NOL4: variants seen among roughly 807,000 people sequenced by gnomAD.
NOL4 encodes the protein nucleolar protein 4.
Under a neutral mutation model 75.9 loss-of-function variants are expected in NOL4, and 17 were observed. The ratio of observed to expected loss-of-function variants is 0.22; its 90% CI spans 0.15 to 0.34. The LOEUF is 0.34. Ranked by LOEUF, NOL4 falls within the 10% of genes least tolerant of loss-of-function variation. The pLI, the probability that NOL4 is intolerant of heterozygous loss-of-function variation, is 1.00. For missense variants in NOL4, 614 were observed against 793.5 expected, an observed-to-expected ratio of 0.77 and a Z score of 2.72; for synonymous variants, 292 against 289.9, an observed-to-expected ratio of 1.01 and a Z score of -0.07.
chr18:33,996,907 T>C (rs961729757), intron 6 of NOL4, among the ~76,000 whole-genome samples: 17 of 151,928 alleles, frequency 1.1e-4, no homozygotes, highest in African/African-American at 3.9e-4. Flanking sequence ...ATAATTTATT[T>C]TCCTATGGGT....
intron 5 of NOL4, among the ~76,000 whole-genome samples, chr18:34,060,027 G>A (rs1430986206): frequency 6.6e-6 from 1 of 152,150 alleles, no homozygotes; most frequent in Non-Finnish European, 1.5e-5. Context: ...CCAACACTGG[G>A]AGAAGCAGAA....
At chr18:34,087,828 G>A (rs2078317089) in intron 5 of NOL4, among the ~76,000 whole-genome samples, 1 of 151,550 alleles carries the variant, frequency 6.6e-6, no homozygotes, top group Admixed American at 6.6e-5. Flanking sequence ...TGTCTTAGTG[G>A]GAGGCAAAGA....
At chr18:33,897,150 C>T (rs541690975) in intron 9 of NOL4, among the ~76,000 whole-genome samples, 2 of 152,276 alleles carry the variant, frequency 1.3e-5, no homozygotes, top group South Asian at 4.1e-4. Flanking sequence ...AAAGGGAACA[C>T]TTACACCTTG....
At chr18:34,015,673 T>C (rs2074646277) in intron 6 of NOL4, among the ~76,000 whole-genome samples, 1 of 152,068 alleles carries the variant, frequency 6.6e-6, no homozygotes, top group African/African-American at 2.4e-5. Flanking sequence ...CTCTGAAATC[T>C]TTAAAATGTC....
intron 1 of NOL4, among the ~76,000 whole-genome samples, chr18:34,218,106 A>C (rs1433610941): frequency 2.0e-5 from 3 of 152,010 alleles, no homozygotes; most frequent in Non-Finnish European, 2.9e-5. Context: ...GACCAAAAAA[A>C]AAAAAACAAA....
At chr18:33,988,898 G>C (rs1053520700) in intron 6 of NOL4, among the ~76,000 whole-genome samples, 3 of 151,842 alleles carry the variant, frequency 2.0e-5, no homozygotes, top group African/African-American at 7.3e-5. Flanking sequence ...TAAAATAGAG[G>C]TTTAAAATTA....
At chr18:34,220,278 C>A (rs1453030489) in intron 1 of NOL4, among the ~76,000 whole-genome samples, 1 of 152,076 alleles carries the variant, frequency 6.6e-6, no homozygotes, top group Non-Finnish European at 1.5e-5. Context: ...CTGTCCTCTC[C>A]CCTTTTCTCT....
chr18:34,009,330 G>T (rs1046476874), intron 6 of NOL4, among the ~76,000 whole-genome samples: 4 of 151,880 alleles, frequency 2.6e-5, no homozygotes, highest in African/African-American at 7.2e-5. Flanking sequence ...AAGAAGAAAA[G>T]AAAACTAGTA....
rs1423851241 is a variant in NOL4, at chr18:34,224,589, C to G, written c.-1336G>C. 1 of 152,294 alleles carries G rather than the reference C, an allele frequency of 6.6e-6. No homozygotes were observed. Among genetic ancestry groups the G allele is most frequent in the Non-Finnish European group, 1.5e-5 (1 of 68,136 alleles). 9.4% of individuals were successfully genotyped at this position (152,294 alleles called of 1,614,324 possible). Reference sequence around the variant, plus strand: ...CCCGCGCCCGTCCCGGGGAGCGGCTCTGCCAGGAAAACGGCCCGACCAGTG... The same window carrying G: ...CCCGCGCCCGTCCCGGGGAGCGGCTGTGCCAGGAAAACGGCCCGACCAGTG... On this transcript the variant is annotated 5_prime_UTR_variant, in exon 1 of 11. Transcript: ENST00000261592.
chr18:34,162,274 C>T (rs563697500), intron 1 of NOL4, among the ~76,000 whole-genome samples: 8 of 152,154 alleles, frequency 5.3e-5, no homozygotes, highest in Non-Finnish European at 1.0e-4. Flanking sequence ...ACAAAAAACC[C>T]TTCAAAAAAT....
At chr18:34,023,770 T>C (rs150496268) in intron 5 of NOL4, 266 of 241,692 alleles carry the variant, frequency 1.1e-3, no homozygotes, top group African/African-American at 5.1e-3. Context: ...ATGGGATGGA[T>C]TTAGTGTTGG....
chr18:33,926,537 G>T (rs1381673383), intron 9 of NOL4, among the ~76,000 whole-genome samples: 1 of 152,086 alleles, frequency 6.6e-6, no homozygotes, highest in Non-Finnish European at 1.5e-5. Context: ...CAACAAGAAA[G>T]ACATTGGTAG....
chr18:34,054,776 ATTAC>A (rs2076764635), intron 5 of NOL4, among the ~76,000 whole-genome samples: 1 of 151,654 alleles, frequency 6.6e-6, no homozygotes, highest in Non-Finnish European at 1.5e-5. Flanking sequence ...TTGTAGCTCT[ATTAC>A]TTCTCCTTTC....
chr18:34,103,674 T>C (rs1200488829), intron 4 of NOL4, among the ~76,000 whole-genome samples: 1 of 152,086 alleles, frequency 6.6e-6, no homozygotes, highest in African/African-American at 2.4e-5. Flanking sequence ...CTGATTGCCA[T>C]GCAAAATAGC....
At chr18:34,154,373 C>G (rs1013713835) in intron 1 of NOL4, among the ~76,000 whole-genome samples, 13 of 151,970 alleles carry the variant, frequency 8.6e-5, no homozygotes, top group Admixed American at 8.5e-4. Context: ...CCTACAAGCT[C>G]CCTTTGACTG....
At position 33,912,873 on chromosome 18, in the gene NOL4, A is replaced by C. The variant is rs934732391; in HGVS notation, c.1543-29449T>G. ...TAAAATCAATTATAATTAATTGCAA[A>C]AGTGTTACCTGTTTTCCCTGCTAAC... On this transcript the variant is annotated intron_variant, in intron 9 of 10. Coordinates refer to ENST00000261592, the MANE Select transcript of NOL4 (RefSeq NM_003787.5). Among the ~76,000 whole-genome samples, 13 of 152,204 alleles carry C rather than the reference A, an allele frequency of 8.5e-5. No individual in the cohort carries two copies. The South Asian group carries it at 1.2e-3, about 15-fold the overall frequency.
chr18:33,854,174 C>G (rs2062739542), intron 10 of NOL4, among the ~76,000 whole-genome samples: 1 of 152,086 alleles, frequency 6.6e-6, no homozygotes, highest in African/African-American at 2.4e-5. Flanking sequence ...GTTTCATGAA[C>G]TAAAACAAGA....
chr18:34,186,834 A>C (rs1023309411), intron 1 of NOL4, among the ~76,000 whole-genome samples: 30 of 152,184 alleles, frequency 2.0e-4, no homozygotes, highest in Admixed American at 5.2e-4. Flanking sequence ...TTTTTTAAAA[A>C]AACAACAACA....
chr18:33,932,170 C>A (rs1250709347), intron 9 of NOL4, among the ~76,000 whole-genome samples: 4 of 151,986 alleles, frequency 2.6e-5, no homozygotes, highest in African/African-American at 4.8e-5. Context: ...TATTTTATTA[C>A]ATATTACTTT....
Sources: gnomAD v4.1 joint callset for allele counts (sites outside exome capture counted in the v4.1 genomes callset) on GRCh38, gnomAD v4.1.1 for gene constraint, MANE v1.5 for transcripts, NCBI Gene and HGNC (gene_info 2026-07-23, HGNC 2026-07-21) for gene names.